The following HHLA2 variants were observed in gnomAD, a reference collection of about 807,000 sequenced individuals.
HHLA2 encodes HHLA2 member of B7 family, also known as HERV-H LTR-associating protein 2.
Under a neutral mutation model 45.9 loss-of-function variants are expected in HHLA2, and 48 were observed. The observed-to-expected ratio is 1.05, with a 90% CI of 0.83 to 1.33. HHLA2 has a LOEUF of 1.33. Ranked by LOEUF, HHLA2 falls within the 40% of genes most tolerant of loss-of-function variation. The pLI is 0.00. For synonymous variants in HHLA2, 161 were observed against 173.9 expected, an observed-to-expected ratio of 0.93 and a Z score of 0.59; for missense variants, 462 against 494.3, an observed-to-expected ratio of 0.93 and a Z score of 0.62.
chr3:108,315,215 G>C (rs1465004545), intron 2 of HHLA2, among the ~76,000 whole-genome samples: 1 of 152,164 alleles, frequency 6.6e-6, no homozygotes, highest in Non-Finnish European at 1.5e-5. Flanking sequence ...GTTCAGAGCT[G>C]AGCCCTGGAT....
At chr3:108,319,052 T>C (rs549597935) in intron 2 of HHLA2, among the ~76,000 whole-genome samples, 4 of 152,322 alleles carry the variant, frequency 2.6e-5, no homozygotes, top group African/African-American at 7.2e-5. Flanking sequence ...TCTTTCTCTG[T>C]TCCTTCTCTC....
chr3:108,327,613 T>C lies in HHLA2; in HGVS notation c.-104-657T>C, dbSNP rs112066821. ...AATCTATTGTTGCTAATTTCACTTATTTCCCAGTTCTTGTAGTTTCTGTTT... is the reference window on the plus strand; with the variant it reads ...AATCTATTGTTGCTAATTTCACTTACTTCCCAGTTCTTGTAGTTTCTGTTT... On this transcript the variant is annotated intron_variant, in intron 2 of 10. Coordinates refer to ENST00000619531, the Ensembl canonical transcript of HHLA2. 9.4e-3 allele frequency among the ~76,000 whole-genome samples: 1,427 copies of C among 152,346 alleles called. 17 individuals carry two copies. The highest frequency in any genetic ancestry group is 0.032 in the African/African-American group (1,331 of 41,596).
rs913962537 is a variant in HHLA2, at chr3:108,377,355, C to G, written c.*77C>G. On this transcript the variant is annotated 3_prime_UTR_variant, in exon 11 of 11. Transcript: ENST00000619531. ...GACTTCATCTCCCCTTTCTTCACCA[C>G]AATTCCAGGCAATGGCCTGTCGGAG... The G allele has an allele frequency of 6.9e-5, 72 of 1,037,426 alleles. 3 individuals are homozygous for G. Among genetic ancestry groups the G allele is most frequent in the South Asian group, 6.3e-4 (46 of 73,392 alleles). 64.3% of individuals were successfully genotyped at this position (1,037,426 alleles called of 1,614,324 possible).
At chr3:108,307,010 C>G (rs2080941327) in intron 1 of HHLA2, among the ~76,000 whole-genome samples, 1 of 152,138 alleles carries the variant, frequency 6.6e-6, no homozygotes, top group Non-Finnish European at 1.5e-5. Context: ...CATCCGCCAC[C>G]ATGCCTGGCT....
chr3:108,324,991 A>G (rs1364758872), intron 2 of HHLA2, among the ~76,000 whole-genome samples: 2 of 152,156 alleles, frequency 1.3e-5, no homozygotes, highest in African/African-American at 4.8e-5. Context: ...AAGATTCTAT[A>G]TTCCTTTCAG....
At chr3:108,339,821 G>C (rs1427595485) in intron 3 of HHLA2, among the ~76,000 whole-genome samples, 1 of 152,092 alleles carries the variant, frequency 6.6e-6, no homozygotes. Context: ...CCATTTGTTG[G>C]CCAGGGAAGA....
intron 3 of HHLA2, among the ~76,000 whole-genome samples, chr3:108,347,535 G>C (rs1220223670): frequency 6.6e-6 from 1 of 152,158 alleles, no homozygotes; most frequent in Non-Finnish European, 1.5e-5. Flanking sequence ...TACATTAGGT[G>C]TGGTGGGAAG....
At chr3:108,367,620 A>G (rs1238575679) in intron 8 of HHLA2, among the ~76,000 whole-genome samples, 1 of 151,976 alleles carries the variant, frequency 6.6e-6, no homozygotes, top group Non-Finnish European at 1.5e-5. Context: ...ACTGAAGATC[A>G]ACTTACTGAA....
At chr3:108,360,310 A>T (rs531378747) in intron 7 of HHLA2, among the ~76,000 whole-genome samples, 1 of 152,268 alleles carries the variant, frequency 6.6e-6, no homozygotes, top group Admixed American at 6.5e-5. Context: ...GTAGTTTGAG[A>T]TGTGACTGCA....
intron 3 of HHLA2, 61 bp from the exon 3 acceptor site, chr3:108,351,726 CT>C: frequency 9.9e-7 from 1 of 1,010,488 alleles, no homozygotes; most frequent in Non-Finnish European, 1.5e-6. Context: ...ATGTACCACT[CT>C]TTTCCAATTC....
chr3:108,307,315 T>C (rs1201244666), intron 1 of HHLA2, among the ~76,000 whole-genome samples: 1 of 152,122 alleles, frequency 6.6e-6, no homozygotes. Flanking sequence ...AATTTTAGAG[T>C]TACAGAAAAG....
Position 108,345,070 on chromosome 3 carries a change from A to C in HHLA2, c.-26-6718A>C, listed in dbSNP as rs144996606. 2.0e-3 allele frequency among the ~76,000 whole-genome samples: 303 copies of C among 152,282 alleles called. 2 individuals are homozygous for C. The highest frequency in any genetic ancestry group is 7.0e-3 in the African/African-American group (289 of 41,572). On this transcript the variant is annotated intron_variant, in intron 3 of 10. Transcript: ENST00000619531. ...GAACCAACCCCTCCCAAGATGGGGA[A>C]TTGAGGGCAAGTAAAGAGAGCAGTG...
chr3:108,364,612 A>C (rs1277089951), intron 8 of HHLA2, among the ~76,000 whole-genome samples: 1 of 152,198 alleles, frequency 6.6e-6, no homozygotes, highest in Non-Finnish European at 1.5e-5. Flanking sequence ...TCCCACCAAC[A>C]GTGTAAAAGC....
At chr3:108,348,047 T>A (rs2081700803) in intron 3 of HHLA2, among the ~76,000 whole-genome samples, 1 of 152,136 alleles carries the variant, frequency 6.6e-6, no homozygotes, top group South Asian at 2.1e-4. Context: ...ACATATGACC[T>A]TGATCCAGTA....
At chr3:108,374,818 A>C (rs1367907528) in intron 8 of HHLA2, among the ~76,000 whole-genome samples, 7 of 142,776 alleles carry the variant, frequency 4.9e-5, no homozygotes, top group Admixed American at 1.4e-4. Flanking sequence ...ATCATTAAAA[A>C]GTCAGGAAAC....
intron 3 of HHLA2, among the ~76,000 whole-genome samples, chr3:108,347,255 A>G (rs923148441): frequency 4.0e-5 from 6 of 151,718 alleles, no homozygotes; most frequent in Non-Finnish European, 7.4e-5. Context: ...TTTGTGTAGA[A>G]GAGGTTGGGC....
chr3:108,333,620 A>ATT (rs2081423880), intron 3 of HHLA2, among the ~76,000 whole-genome samples: 1 of 149,144 alleles, frequency 6.7e-6, no homozygotes, highest in South Asian at 2.1e-4. Context: ...AAAAAAAAAA[A>ATT]AATTAATTTA....
In HHLA2 at chr3:108,373,800, T is replaced by G. The variant is rs1467960700; in HGVS notation, c.1109-1950T>G. 5.3e-4 allele frequency among the ~76,000 whole-genome samples: 80 copies of G among 152,022 alleles called. 2 individuals are homozygous for G. The highest frequency in any genetic ancestry group is 1.9e-3 in the African/African-American group (79 of 41,402). On this transcript the variant is annotated intron_variant, in intron 8 of 10. Transcript: ENST00000619531. ...TGTGAAGGACCTCTTCAAGGAGAAC[T>G]ATAAACCACTGCTCAATGAAATAAA...
chr3:108,359,143 A>T (rs1026820186), intron 7 of HHLA2, among the ~76,000 whole-genome samples: 6 of 152,156 alleles, frequency 3.9e-5, no homozygotes, highest in African/African-American at 1.4e-4. Flanking sequence ...ATCTATTTTT[A>T]AAAATGTTGC....
Sources: gnomAD v4.1 joint callset for allele counts (sites outside exome capture counted in the v4.1 genomes callset) on GRCh38, gnomAD v4.1.1 for gene constraint, MANE v1.5 for transcripts, NCBI Gene and HGNC (gene_info 2026-07-23, HGNC 2026-07-21) for gene names.